The following HSPA5 variants were observed in gnomAD, a reference collection of about 807,000 sequenced individuals.
HSPA5 encodes the protein heat shock protein family A (Hsp70) member 5, also known as endoplasmic reticulum chaperone BiP.
Under a neutral mutation model 49.5 loss-of-function variants are expected in HSPA5, and 16 were observed. That is an observed-to-expected ratio of 0.32 (90% CI 0.22 to 0.49). The LOEUF is 0.49. Among genes scored for constraint, HSPA5 ranks in the 20% least tolerant of loss-of-function variants. The probability of loss-of-function intolerance (pLI) is 0.99; values close to 1 mark genes in which losing one functional copy is unlikely to be tolerated. For missense variants in HSPA5, 376 were observed against 819.0 expected (o/e 0.46, Z 6.60); for synonymous variants, 271 against 307.2 (o/e 0.88, Z 1.23).
rs1387258072 is a variant in HSPA5, at chr9:125,236,060, G to A, written c.*532C>T. 1 of 143,678 alleles carries A rather than the reference G, an allele frequency of 7.0e-6. No individual in the cohort carries two copies. The highest frequency in any genetic ancestry group is 1.5e-5 in the Non-Finnish European group (1 of 67,180). The allele number at this position is 143,678 out of a possible 1,614,324, so 8.9% of individuals were successfully genotyped here. ...ATTAGCTGGGAGACTGAGGTGGAAG[G>A]ATCACTTGGGCCCAGGAGGGTTAAA... is the stretch of plus-strand genomic sequence containing the variant. On this transcript the variant is annotated 3_prime_UTR_variant, in exon 8 of 8. Coordinates refer to ENST00000324460, the MANE Select transcript of HSPA5 (RefSeq NM_005347.5).
rs34456173 is a variant in HSPA5, at chr9:125,237,220, G to C, written c.1403-66C>G. ...CAAGCATTAGCACATCTAGATCCCC[G>C]CATTTCAGTCTGAAGCATAAAGTGA... On this transcript the variant is annotated intron_variant, in intron 7 of 7. Transcript: ENST00000324460. The C allele has an allele frequency of 2.7e-3, 3,108 of 1,158,472 alleles. 65 individuals are homozygous for C. In the African/African-American group the frequency reaches 0.044, roughly 16 times the overall value. 71.8% of individuals were successfully genotyped at this position (1,158,472 alleles called of 1,614,324 possible). A position where few individuals can be genotyped will look rare whatever the true frequency, so the allele number is the denominator to read the frequency against.
At position 125,238,196 on chromosome 9, in the gene HSPA5, C is replaced by T. The variant is rs775411427; in HGVS notation, c.1347G>A (p.Gln449=). Residue 449 remains glutamine (Q), a synonymous_variant, in exon 7 of 8, where the codon CAG becomes CAA. Coordinates refer to ENST00000324460, the MANE Select transcript of HSPA5 (RefSeq NM_005347.5). ...RNTVVPTKKS[Q]IFSTASDNQP... ...GATTATCAGAAGCTGTAGAAAAGAT[C>T]TGAGACTTCTTGGTAGGCACCACTG... 1 of 1,614,096 alleles carries T rather than the reference C, an allele frequency of 6.2e-7. No individual in the cohort carries two copies. The highest frequency in any genetic ancestry group is 2.2e-5 in the East Asian group (1 of 44,886).
At position 125,240,389 on chromosome 9, in the gene HSPA5, T is replaced by C; in HGVS notation, c.355-80A>G. The C allele has an allele frequency of 8.1e-7, 1 of 1,234,716 alleles. No individual in the cohort carries two copies. The highest frequency in any genetic ancestry group is 1.4e-5 in the South Asian group (1 of 70,412). 76.5% of individuals were successfully genotyped at this position (1,234,716 alleles called of 1,614,324 possible). A position where few individuals can be genotyped will look rare whatever the true frequency, so the allele number is the denominator to read the frequency against. On this transcript the variant is annotated intron_variant, in intron 2 of 7. Transcript: ENST00000324460. This position sits in a 1 kb window ranked among gnomAD's most constrained non-coding sequence, Gnocchi z 4.4. ...AAAAGACCCACTACCATCCCCACAA[T>C]TTGGTTTATTTTGGTCCCTTGGGGC...
chr9:125,238,000 G>T (rs1832519161), intron 7 of HSPA5, 141 bp downstream of exon 7: 1 of 634,802 alleles, frequency 1.6e-6, no homozygotes, highest in African/African-American at 1.8e-5. Context: ...TACTCTGGAG[G>T]CTGAGGCAGG....
At position 125,236,703 on chromosome 9, in the gene HSPA5, A is replaced by G. The variant is rs759041468; in HGVS notation, c.1854T>C (p.Ala618=). 5.0e-6 allele frequency: 8 copies of G among 1,613,716 alleles called. No homozygotes were observed. In the Admixed American group the frequency reaches 5.0e-5, roughly 10 times the overall value. Residue 618 remains alanine (A), a synonymous_variant, in exon 8 of 8, where the codon GCT becomes GCC. Transcript: ENST00000324460. ...CAATTTCTTCCAGTTCCTTCTTCTT[A>G]GCTTTGAAGTCTTCAATGTCAGCAT... ...HQDADIEDFK[A]KKKELEEIVQ... is the part of the protein sequence containing the mutation.
Position 125,236,665 on chromosome 9 carries a change from A to G in HSPA5, c.1892T>C (p.Ile631Thr). ...KELEEIVQPI[I>T]SKLYGSAGPP... ...GCCTGCACTTCCATAGAGTTTGCTG[A>G]TAATTGGTTGAACAATTTCTTCCAG... The change falls in exon 8 of 8, where the codon ATC (isoleucine) becomes ACC (threonine). Residue 631 changes from isoleucine (I) to threonine (T), a missense_variant. Physicochemically the swap from Ile to Thr is moderately conservative, Grantham distance 89 (BLOSUM62 -1). Coordinates refer to ENST00000324460, the MANE Select transcript of HSPA5 (RefSeq NM_005347.5). 1.2e-6 allele frequency: 2 copies of G among 1,613,728 alleles called. No individual in the cohort carries two copies. The highest frequency in any genetic ancestry group is 1.7e-6 in the Non-Finnish European group (2 of 1,179,792).
At position 125,240,971 on chromosome 9, in the gene HSPA5, C is replaced by A; in HGVS notation, c.122+34G>T. 6.2e-7 allele frequency: 1 copy of A among 1,611,396 alleles called. No homozygotes were observed. Among genetic ancestry groups the A allele is most frequent in the Non-Finnish European group, 8.5e-7 (1 of 1,178,260 alleles). ...CTTCTCACGCCAGGCCAGGCGGCCA[C>A]GCCCCGTCCCCCTGCATCCGCAACC... On this transcript the variant is annotated intron_variant, in intron 1 of 7. Transcript: ENST00000324460. The surrounding 1 kb of genome is among the most constrained non-coding windows in gnomAD (Gnocchi z 4.4).
rs772745555 is a variant in HSPA5 at position 125,239,066 on chromosome 9, C to G, written c.871G>C (p.Glu291Gln). The change falls in exon 5 of 8, where the codon GAG becomes CAG. Residue 291 changes from glutamate (E) to glutamine (Q), a missense_variant. Physicochemically the swap from Glu to Gln is conservative, Grantham distance 29. Coordinates refer to ENST00000324460, the MANE Select transcript of HSPA5 (RefSeq NM_005347.5). This position sits in a 1 kb window ranked among gnomAD's most constrained non-coding sequence, Gnocchi z 5.5. ...DNRAVQKLRR[E>Q]VEKAKRALSS... Reference sequence around the variant, plus strand: ...AGGGCCCGTTTGGCCTTTTCTACCTCGCGCCGGAGTTTCTGCACAGCTCTA... The same window carrying G: ...AGGGCCCGTTTGGCCTTTTCTACCTGGCGCCGGAGTTTCTGCACAGCTCTA... The G allele has an allele frequency of 6.2e-7, 1 of 1,614,186 alleles. No homozygotes were observed.
At position 125,236,645 on chromosome 9, in the gene HSPA5, C is replaced by T. The variant is rs756169862; in HGVS notation, c.1912G>A (p.Ala638Thr). The part of the protein sequence containing the change: ...QPIISKLYGS[A>T]GPPPTGEEDT... ...TCTTCACCAGTTGGGGGAGGGCCTG[C>T]ACTTCCATAGAGTTTGCTGATAATT... Residue 638 changes from alanine to threonine, a missense_variant, in exon 8 of 8, where the codon GCA (alanine) becomes ACA (threonine). Ala to Thr is a moderately conservative substitution (Grantham distance 58). Transcript: ENST00000324460. 7 of 1,612,376 alleles carry T rather than the reference C, an allele frequency of 4.3e-6. No homozygotes were observed. The highest frequency in any genetic ancestry group is 5.9e-6 in the Non-Finnish European group (7 of 1,179,416).
chr9:125,238,156 T>C lies in HSPA5; in HGVS notation c.1387A>G (p.Ile463Val), dbSNP rs200465691. 3.1e-6 allele frequency: 5 copies of C among 1,613,420 alleles called. No individual in the cohort carries two copies. The highest frequency in any genetic ancestry group is 2.2e-5 in the East Asian group (1 of 44,888). The change falls in exon 7 of 8, where the codon ATC becomes GTC. Residue 463 changes from isoleucine to valine, a missense_variant. Around this residue, in one of 8 missense-constraint regions of HSPA5, gnomAD observed 71 missense variants for 169.9 expected, o/e 0.42. Transcript: ENST00000324460. Reference sequence around the variant, plus strand: ...AAGTAATTACCTTCATAGACCTTGATTGTAACAGTTGGTTGATTATCAGAA... The same window carrying C: ...AAGTAATTACCTTCATAGACCTTGACTGTAACAGTTGGTTGATTATCAGAA... Reference protein sequence around the residue: ...TASDNQPTVTIKVYEGERPLT... With the variant: ...TASDNQPTVTVKVYEGERPLT...
chr9:125,238,336 A>G, intron 6 of HSPA5, 28 bp from the exon 7 acceptor site: 1 of 1,590,032 alleles, frequency 6.3e-7, no homozygotes, highest in Non-Finnish European at 8.6e-7. Context: ...TTAACTTTTA[A>G]TTCAAGTTCT....
At position 125,234,965 on chromosome 9, in the gene HSPA5, A is replaced by C. The variant is rs1832467074; in HGVS notation, c.*1627T>G. The C allele has an allele frequency of 6.6e-6, 1 of 152,192 alleles. No individual in the cohort carries two copies. Among genetic ancestry groups the C allele is most frequent in the South Asian group, 2.1e-4 (1 of 4,824 alleles). The allele number at this position is 152,192 out of a possible 1,614,324, so 9.4% of individuals were successfully genotyped here. ...AAGGGAAGACTAGCCCTAGTTGCTA[A>C]CTACCATTTAACCCTATTGCCCCAG... On this transcript the variant is annotated 3_prime_UTR_variant, in exon 8 of 8. Transcript: ENST00000324460.
At chr9:125,238,871 T>A in intron 5 of HSPA5, 44 bp from the exon 6 acceptor site, 1 of 1,605,546 alleles carries the variant, frequency 6.2e-7, no homozygotes, top group South Asian at 1.1e-5. Flanking sequence ...TATCTAAGTA[T>A]CTAGATGCAA....
At position 125,236,363 on chromosome 9, in the gene HSPA5, T is replaced by C. The variant is rs1832494655; in HGVS notation, c.*229A>G. On this transcript the variant is annotated 3_prime_UTR_variant, in exon 8 of 8. Coordinates refer to ENST00000324460, the MANE Select transcript of HSPA5 (RefSeq NM_005347.5). Reference sequence around the variant, plus strand: ...AGGTGAACACACACCCTAACCCAGGTTTTTTACCCGCTTTTTAAGATGGCC... The same window carrying C: ...AGGTGAACACACACCCTAACCCAGGCTTTTTACCCGCTTTTTAAGATGGCC... 2 of 475,328 alleles carry C rather than the reference T, an allele frequency of 4.2e-6. No individual in the cohort carries two copies. The highest frequency in any genetic ancestry group is 7.4e-6 in the Non-Finnish European group (2 of 271,410). 29.4% of individuals were successfully genotyped at this position (475,328 alleles called of 1,614,324 possible). A position where few individuals can be genotyped will look rare whatever the true frequency, so the allele number is the denominator to read the frequency against.
At position 125,241,166 on chromosome 9, in the gene HSPA5, A is replaced by G. The variant is rs763695907; in HGVS notation, c.-40T>C. The G allele has an allele frequency of 3.1e-5, 50 of 1,594,964 alleles. No individual in the cohort carries two copies. In the African/African-American group the frequency reaches 4.4e-4, roughly 14 times the overall value. ...GGGCAGCAGCAGGCAGTCCAGCCAC[A>G]GGCCGTAGCACAGGAGCACAGCGCA... On this transcript the variant is annotated 5_prime_UTR_variant, in exon 1 of 8. Coordinates refer to ENST00000324460, the MANE Select transcript of HSPA5 (RefSeq NM_005347.5).
Position 125,240,372 on chromosome 9 carries a change from C to A in HSPA5, c.355-63G>T. 1 of 1,417,566 alleles carries A rather than the reference C, an allele frequency of 7.1e-7. No individual in the cohort carries two copies. The allele number at this position is 1,417,566 out of a possible 1,614,324, so 87.8% of individuals were successfully genotyped here. A position where few individuals can be genotyped will look rare whatever the true frequency, so the allele number is the denominator to read the frequency against. On this transcript the variant is annotated intron_variant, in intron 2 of 7. Coordinates refer to ENST00000324460, the MANE Select transcript of HSPA5 (RefSeq NM_005347.5). This position sits in a 1 kb window ranked among gnomAD's most constrained non-coding sequence, Gnocchi z 4.4. ...ATGACATCTCAAAGTTTAAAAGACC[C>A]ACTACCATCCCCACAATTTGGTTTA...
chr9:125,240,713 G>A lies in HSPA5; in HGVS notation c.317C>T (p.Pro106Leu). ...KRLIGRTWND[P>L]SVQQDIKFLP... Reference sequence around the variant, plus strand: ...GAACTTGATGTCCTGCTGCACAGACGGGTCATTCCACGTGCGGCCGATGAG... The same window carrying A: ...GAACTTGATGTCCTGCTGCACAGACAGGTCATTCCACGTGCGGCCGATGAG... Residue 106 changes from proline to leucine, a missense_variant, in exon 2 of 8, where the codon CCG becomes CTG. Coordinates refer to ENST00000324460, the MANE Select transcript of HSPA5 (RefSeq NM_005347.5). The surrounding 1 kb of genome is among the most constrained non-coding windows in gnomAD (Gnocchi z 4.4). The A allele has an allele frequency of 6.2e-7, 1 of 1,614,158 alleles. No individual in the cohort carries two copies. The highest frequency in any genetic ancestry group is 8.5e-7 in the Non-Finnish European group (1 of 1,180,004).
rs1044452233 is a variant in HSPA5, at chr9:125,239,964, T to C, written c.492+208A>G. Reference sequence around the variant, plus strand: ...TTGATGAATACAACATATAAAATTTTATGTCCCTGGAATTGTAAGCATTAA... The same window carrying C: ...TTGATGAATACAACATATAAAATTTCATGTCCCTGGAATTGTAAGCATTAA... On this transcript the variant is annotated intron_variant, in intron 3 of 7. Transcript: ENST00000324460. This position sits in a 1 kb window ranked among gnomAD's most constrained non-coding sequence, Gnocchi z 5.5. 6.6e-6 allele frequency among the ~76,000 whole-genome samples: 1 copy of C among 152,198 alleles called. No homozygotes were observed. The highest frequency in any genetic ancestry group is 1.5e-5 in the Non-Finnish European group (1 of 68,036).
chr9:125,240,953 C>T lies in HSPA5; in HGVS notation c.123-46G>A, dbSNP rs370553479. 1 of 1,611,740 alleles carries T rather than the reference C, an allele frequency of 6.2e-7. No individual in the cohort carries two copies. The highest frequency in any genetic ancestry group is 1.3e-5 in the African/African-American group (1 of 74,932). Reference sequence around the variant, plus strand: ...AGGGACATCAGCACCGCACTTCTCACGCCAGGCCAGGCGGCCACGCCCCGT... The same window carrying T: ...AGGGACATCAGCACCGCACTTCTCATGCCAGGCCAGGCGGCCACGCCCCGT... On this transcript the variant is annotated intron_variant, in intron 1 of 7. Coordinates refer to ENST00000324460, the MANE Select transcript of HSPA5 (RefSeq NM_005347.5). This position sits in a 1 kb window ranked among gnomAD's most constrained non-coding sequence, Gnocchi z 4.4.
Sources: gnomAD v4.1 joint callset for allele counts (sites outside exome capture counted in the v4.1 genomes callset) on GRCh38, gnomAD v4.1.1 for gene constraint, gnomAD v4.1.1 regional missense constraint, Gnocchi (gnomAD v3.1) non-coding constraint, MANE v1.5 for transcripts, NCBI Gene and HGNC (gene_info 2026-07-23, HGNC 2026-07-21) for gene names.